FHIT: variants seen among roughly 807,000 people sequenced by gnomAD.
FHIT encodes the protein fragile histidine triad diadenosine triphosphatase.
FHIT carries 19 observed loss-of-function variants against 17.9 expected under a neutral mutation model. The observed-to-expected ratio is 1.06, with a 90% CI of 0.74 to 1.56. The LOEUF (loss-of-function observed/expected upper bound fraction) is 1.56, where lower values mean the gene tolerates loss of function less well. Ranked by LOEUF, FHIT falls within the 40% of genes most tolerant of loss-of-function variation. The probability of loss-of-function intolerance (pLI) is 0.00; values close to 1 mark genes in which losing one functional copy is unlikely to be tolerated. For missense variants in FHIT, 248 were observed against 189.2 expected (o/e 1.31, Z -1.82); for synonymous variants, 81 against 69.7 (o/e 1.16, Z -0.81).
chr3:60,214,585 C>A (rs1037085274), intron 5 of FHIT, among the ~76,000 whole-genome samples: 2 of 152,144 alleles, frequency 1.3e-5, no homozygotes, highest in Non-Finnish European at 2.9e-5. Context: ...TTAGTTCACT[C>A]ACTGTGGAAA....
intron 5 of FHIT, among the ~76,000 whole-genome samples, chr3:60,031,185 G>GC (rs151146060): frequency 0.02 from 3,110 of 152,286 alleles, 92 homozygotes; most frequent in African/African-American, 0.068. Flanking sequence ...GATTGTGAAT[G>GC]CAAGTCTGGT....
chr3:59,891,741 G>A (rs1389460922), intron 8 of FHIT, among the ~76,000 whole-genome samples: 1 of 151,984 alleles, frequency 6.6e-6, no homozygotes, highest in Non-Finnish European at 1.5e-5. Flanking sequence ...AAAACATATG[G>A]GTTCTTAAAA....
chr3:60,036,801 A>G (rs994342229), intron 5 of FHIT, among the ~76,000 whole-genome samples: 2 of 152,184 alleles, frequency 1.3e-5, no homozygotes, highest in African/African-American at 4.8e-5. Flanking sequence ...GCTCTTCCCC[A>G]AGATAGAGAC....
At chr3:60,958,513 T>C (rs1709274124) in intron 3 of FHIT, among the ~76,000 whole-genome samples, 1 of 152,240 alleles carries the variant, frequency 6.6e-6, no homozygotes, top group African/African-American at 2.4e-5. Flanking sequence ...AAGGTTACAC[T>C]GGTATGTTTT....
intron 2 of FHIT, among the ~76,000 whole-genome samples, chr3:61,138,781 C>G (rs1411479655): frequency 6.6e-6 from 1 of 152,196 alleles, no homozygotes; most frequent in Non-Finnish European, 1.5e-5. Flanking sequence ...CATTGTCACA[C>G]AAGGGCTTCC....
intron 3 of FHIT, among the ~76,000 whole-genome samples, chr3:60,827,391 A>G (rs900228694): frequency 3.0e-4 from 46 of 152,344 alleles, no homozygotes; most frequent in Non-Finnish European, 5.9e-4. Context: ...CAATAGTTGC[A>G]TATCATCCTT....
chr3:60,421,926 G>A (rs1209248642), intron 5 of FHIT, among the ~76,000 whole-genome samples: 2 of 152,070 alleles, frequency 1.3e-5, no homozygotes, highest in African/African-American at 2.4e-5. Context: ...AACTCCACTG[G>A]CAAGGCGCTA....
In FHIT at chr3:59,772,540, C is replaced by T. The variant is rs186161507; in HGVS notation, c.349-20219G>A. On this transcript the variant is annotated intron_variant, in intron 8 of 9. Transcript: ENST00000492590. ...ATGAGGAAGCTGAGCACAGAGAGGT[C>T]GGGGAACTGGCCCAGGTAGGCACAG... 1.1e-4 allele frequency among the ~76,000 whole-genome samples: 17 copies of T among 152,298 alleles called. No homozygotes were observed. The East Asian group carries it at 2.9e-3, about 26-fold the overall frequency.
chr3:60,642,204 TC>T (rs2039742895), intron 4 of FHIT, among the ~76,000 whole-genome samples: 1 of 152,062 alleles, frequency 6.6e-6, no homozygotes, highest in African/African-American at 2.4e-5. Context: ...ACAGTCAACC[TC>T]CTGGGTCAAC....
At chr3:60,163,589 C>A (rs181730224) in intron 5 of FHIT, among the ~76,000 whole-genome samples, 213 of 152,286 alleles carry the variant, frequency 1.4e-3, no homozygotes, top group South Asian at 4.4e-3. Flanking sequence ...CTCCTGCTCA[C>A]CCTTCAGACC....
chr3:59,946,577 G>A (rs938234967), intron 7 of FHIT, among the ~76,000 whole-genome samples: 5 of 152,112 alleles, frequency 3.3e-5, no homozygotes, highest in East Asian at 3.9e-4. Context: ...TGGTGAGAGT[G>A]GGCATCCTTG....
At chr3:59,873,649 T>G (rs929398736) in intron 8 of FHIT, among the ~76,000 whole-genome samples, 1 of 152,200 alleles carries the variant, frequency 6.6e-6, no homozygotes, top group African/African-American at 2.4e-5. Flanking sequence ...ACCTACTTGA[T>G]GCTAGTGGCA....
chr3:60,421,326 A>C (rs1195712994), intron 5 of FHIT, among the ~76,000 whole-genome samples: 1 of 152,046 alleles, frequency 6.6e-6, no homozygotes, highest in African/African-American at 2.4e-5. Flanking sequence ...CCCATCCTAG[A>C]AAAGGCACTT....
intron 5 of FHIT, among the ~76,000 whole-genome samples, chr3:60,045,551 C>T (rs528902530): frequency 1.3e-5 from 2 of 152,242 alleles, no homozygotes; most frequent in Non-Finnish European, 2.9e-5. Context: ...GGTGGGGACA[C>T]AGCCAAACAA....
intron 2 of FHIT, among the ~76,000 whole-genome samples, chr3:61,087,967 TGA>T (rs534439686): frequency 0.01 from 1,561 of 152,270 alleles, 19 homozygotes; most frequent in African/African-American, 0.034. Flanking sequence ...TTCAGAGAAC[TGA>T]GAGGCCGGAT....
chr3:60,527,392 A>G (rs1256923727), intron 5 of FHIT, among the ~76,000 whole-genome samples: 1 of 152,246 alleles, frequency 6.6e-6, no homozygotes, highest in Non-Finnish European at 1.5e-5. Context: ...ATTAGCACGT[A>G]AATCTCTTGA....
chr3:61,124,127 A>G (rs933913829), intron 2 of FHIT, among the ~76,000 whole-genome samples: 1 of 152,232 alleles, frequency 6.6e-6, no homozygotes, highest in African/African-American at 2.4e-5. Context: ...GCACACAGAC[A>G]TAACAAGTCT....
chr3:60,034,411 T>C (rs1279949322), intron 5 of FHIT, among the ~76,000 whole-genome samples: 1 of 152,224 alleles, frequency 6.6e-6, no homozygotes, highest in Non-Finnish European at 1.5e-5. Flanking sequence ...AATTTAATTA[T>C]CTGTAGGCAA....
At chr3:59,875,860 G>C (rs1373388472) in intron 8 of FHIT, among the ~76,000 whole-genome samples, 1 of 151,126 alleles carries the variant, frequency 6.6e-6, no homozygotes, top group African/African-American at 2.4e-5. Flanking sequence ...TCAGCCATGA[G>C]TAACATCATT....
Sources: gnomAD v4.1 joint callset for allele counts (sites outside exome capture counted in the v4.1 genomes callset) on GRCh38, gnomAD v4.1.1 for gene constraint, MANE v1.5 for transcripts, NCBI Gene and HGNC (gene_info 2026-07-23, HGNC 2026-07-21) for gene names.